GALK2: variants seen among roughly 807,000 people sequenced by gnomAD.
The protein encoded by GALK2 is galactokinase 2.
Under a neutral mutation model 52.4 loss-of-function variants are expected in GALK2, and 36 were observed. The observed-to-expected ratio is 0.69, with a 90% CI of 0.53 to 0.91. The LOEUF is 0.91. Ranked by LOEUF, GALK2 falls within the 40% of genes least tolerant of loss-of-function variation. GALK2 has a pLI of 0.00. For synonymous variants in GALK2, 176 were observed against 199.1 expected (o/e 0.88, Z 0.98); for missense variants, 579 against 559.1 (o/e 1.04, Z -0.36).
chr15:49,178,328 C>T (rs1023669820), intron 1 of GALK2: 1 of 137,312 alleles, frequency 7.3e-6, no homozygotes, highest in Admixed American at 7.6e-5. Context: ...TATGTATGTA[C>T]ATATATACAT....
At chr15:49,326,344 T>G (rs919767200) in intron 9 of GALK2, among the ~76,000 whole-genome samples, 4 of 133,536 alleles carry the variant, frequency 3.0e-5, no homozygotes, top group Admixed American at 1.8e-4. Flanking sequence ...CACTGCAACC[T>G]CCACCTCCTG....
chr15:49,273,654 A>G (rs2141704388), intron 5 of GALK2, among the ~76,000 whole-genome samples: 1 of 151,820 alleles, frequency 6.6e-6, no homozygotes, highest in East Asian at 1.9e-4. Context: ...TCTCTTTTAG[A>G]GTTATCTTGG....
In GALK2 at chr15:49,329,416, A is replaced by C. The variant is rs566823136; in HGVS notation, c.*1257A>C. ...GTTTTATGGCATGAATTATCCAAAA[A>C]AATATCAGAATTACTTATTATTCTG... On this transcript the variant is annotated 3_prime_UTR_variant, in exon 10 of 10. Coordinates refer to ENST00000560031, the MANE Select transcript of GALK2 (RefSeq NM_002044.4). The C allele has an allele frequency of 1.9e-3, 1,869 of 985,132 alleles. 4 individuals are homozygous for C. Among genetic ancestry groups the C allele is most frequent in the Middle Eastern group, 8.4e-3 (16 of 1,914 alleles). The allele number at this position is 985,132 out of a possible 1,614,324, so 61.0% of individuals were successfully genotyped here.
At chr15:49,286,696 AG>A (rs1233265572) in intron 7 of GALK2, among the ~76,000 whole-genome samples, 2 of 152,320 alleles carry the variant, frequency 1.3e-5, no homozygotes, top group African/African-American at 4.8e-5. Context: ...GCAGAGAAAC[AG>A]TTCTGTAAAC....
At chr15:49,249,002 G>A (rs1248557721) in intron 5 of GALK2, among the ~76,000 whole-genome samples, 1 of 152,088 alleles carries the variant, frequency 6.6e-6, no homozygotes, top group East Asian at 1.9e-4. Context: ...CTCAGTGACT[G>A]TGTTTCAAGG....
intron 7 of GALK2, among the ~76,000 whole-genome samples, chr15:49,286,512 C>A (rs779569647): frequency 2.0e-5 from 3 of 152,056 alleles, no homozygotes; most frequent in Non-Finnish European, 2.9e-5. Flanking sequence ...ATATACTGAA[C>A]GAGGAAAATA....
intron 3 of GALK2, among the ~76,000 whole-genome samples, chr15:49,360,716 C>T (rs10851476): frequency 0.42 from 63,772 of 151,910 alleles, 13,527 homozygotes; most frequent in African/African-American, 0.45. Flanking sequence ...TATCAAGTGA[C>T]CAAGTTTTTA....
At chr15:49,300,546 G>A (rs995677830) in intron 8 of GALK2, among the ~76,000 whole-genome samples, 1 of 151,954 alleles carries the variant, frequency 6.6e-6, no homozygotes, top group Non-Finnish European at 1.5e-5. Context: ...GTTTGGCTGT[G>A]TCCCCACCCA....
chr15:49,217,352 TTC>T, intron 3 of GALK2, 39 bp downstream of exon 3: 1 of 1,600,904 alleles, frequency 6.2e-7, no homozygotes, highest in Non-Finnish European at 8.5e-7. Flanking sequence ...GTATGTATGG[TTC>T]TGTTTGTACC....
exon 4 of GALK2, chr15:49,367,569 G>A (rs1438888750): frequency 6.2e-7 from 1 of 1,601,908 alleles, no homozygotes; most frequent in East Asian, 2.2e-5. Context: ...AAATTGAAGA[G>A]AACACGATTA....
intron 3 of GALK2, among the ~76,000 whole-genome samples, chr15:49,340,920 C>G (rs979357029): frequency 6.6e-6 from 1 of 152,004 alleles, no homozygotes; most frequent in African/African-American, 2.4e-5. Context: ...ATATTTAATC[C>G]ATTTTGAGTT....
chr15:49,358,147 A>G (rs2043508180), intron 3 of GALK2, among the ~76,000 whole-genome samples: 1 of 151,686 alleles, frequency 6.6e-6, no homozygotes, highest in Non-Finnish European at 1.5e-5. Flanking sequence ...AATGGGCAAA[A>G]ACTGGAAGCA....
intron 3 of GALK2, among the ~76,000 whole-genome samples, chr15:49,221,964 A>C (rs1236147231): frequency 6.6e-6 from 1 of 151,934 alleles, no homozygotes; most frequent in Admixed American, 6.6e-5. Flanking sequence ...TTTCATAGGG[A>C]TTGCATTGAA....
chr15:49,353,788 T>C (rs952722394), intron 3 of GALK2: 1 of 152,162 alleles, frequency 6.6e-6, no homozygotes, highest in African/African-American at 2.4e-5. Flanking sequence ...AGTTGTTTTT[T>C]TCAGATATTT....
rs1055247074 is a variant in GALK2 at position 49,221,890 on chromosome 15, C to CT, written c.266+4585dup. Among the ~76,000 whole-genome samples the CT allele has an allele frequency of 1.8e-3, 274 of 151,214 alleles. 2 individuals carry two copies. The highest frequency in any genetic ancestry group is 5.5e-3 in the African/African-American group (227 of 41,194). On this transcript the variant is annotated intron_variant, in intron 3 of 9. Coordinates refer to ENST00000560031, the MANE Select transcript of GALK2 (RefSeq NM_002044.4). ...CAGGAGTGCTTTGGCTATTTGGGCT[C>CT]TTTTTTTTGGTTTTATACATATTTT...
At chr15:49,187,693 C>T (rs1355636277) in intron 1 of GALK2, among the ~76,000 whole-genome samples, 1 of 152,100 alleles carries the variant, frequency 6.6e-6, no homozygotes, top group East Asian at 1.9e-4. Context: ...AAGTATTTCC[C>T]TGTAGCCACC....
At chr15:49,341,934 A>ATT (rs1374027982) in intron 3 of GALK2, among the ~76,000 whole-genome samples, 3 of 152,116 alleles carry the variant, frequency 2.0e-5, no homozygotes, top group Admixed American at 2.0e-4. Context: ...ATTTATCAAA[A>ATT]CTGCTTTATG....
At chr15:49,348,474 C>A (rs944962974) in intron 3 of GALK2, among the ~76,000 whole-genome samples, 1 of 152,054 alleles carries the variant, frequency 6.6e-6, no homozygotes, top group African/African-American at 2.4e-5. Flanking sequence ...CCAAAAGGAG[C>A]CAATTTCGTT....
chr15:49,287,245 T>C (rs2033467620), intron 7 of GALK2, among the ~76,000 whole-genome samples: 1 of 152,198 alleles, frequency 6.6e-6, no homozygotes, highest in African/African-American at 2.4e-5. Flanking sequence ...GGCTTTTTGC[T>C]ACACACTCCT....
Sources: allele counts gnomAD v4.1 joint callset (sites outside exome capture counted in the v4.1 genomes callset), GRCh38; gene constraint gnomAD v4.1.1; transcripts MANE v1.5; gene names NCBI Gene and HGNC (gene_info 2026-07-23, HGNC 2026-07-21).